Variants in MAML3 observed in about 807,000 individuals in gnomAD.
MAML3 encodes the protein mastermind-like protein 3.
MAML3 carries 27 observed loss-of-function variants against 101.9 expected under a neutral mutation model. The observed-to-expected ratio is 0.27, with a 90% CI of 0.20 to 0.37. The LOEUF (loss-of-function observed/expected upper bound fraction) is 0.37, where lower values mean the gene tolerates loss of function less well. MAML3 is among the 10% of genes least tolerant of loss of function. MAML3 has a pLI of 1.00. For synonymous variants in MAML3, 501 were observed against 555.9 expected (o/e 0.90, Z 1.39); for missense variants, 1,316 against 1,444.9 (o/e 0.91, Z 1.45).
intron 2 of MAML3, among the ~76,000 whole-genome samples, chr4:139,870,200 G>A (rs903769156): frequency 6.6e-6 from 1 of 152,108 alleles, no homozygotes; most frequent in African/African-American, 2.4e-5. Flanking sequence ...ATGCTTTGTT[G>A]TGCAGAGACT....
intron 3 of MAML3, among the ~76,000 whole-genome samples, chr4:139,728,817 G>T (rs1477208852): frequency 6.6e-6 from 1 of 152,164 alleles, no homozygotes; most frequent in Non-Finnish European, 1.5e-5. Context: ...GGTCGGGCTG[G>T]CCTCACCGTG....
Position 139,716,842 on chromosome 4 carries a change from C to CATT in MAML3, c.*2478_*2480dup, listed in dbSNP as rs908991194. ...CATTTCTACATTTCAGCGTTCTGTA[C>CATT]ATTTCTTAAAAGGAAATAAGCAATG... On this transcript the variant is annotated 3_prime_UTR_variant, in exon 5 of 5. Coordinates refer to ENST00000509479, the MANE Select transcript of MAML3 (RefSeq NM_018717.5). The CATT allele has an allele frequency of 6.6e-6, 1 of 152,458 alleles. No individual in the cohort carries two copies. The highest frequency in any genetic ancestry group is 2.4e-5 in the African/African-American group (1 of 41,406). 9.4% of individuals were successfully genotyped at this position (152,458 alleles called of 1,614,324 possible).
intron 2 of MAML3, among the ~76,000 whole-genome samples, chr4:139,774,765 G>T (rs911821880): frequency 2.0e-5 from 3 of 152,160 alleles, no homozygotes; most frequent in Admixed American, 1.3e-4. Context: ...CATGATAAAA[G>T]AATTTACTAC....
intron 1 of MAML3, among the ~76,000 whole-genome samples, chr4:140,063,516 C>T (rs1329724657): frequency 2.0e-5 from 3 of 152,228 alleles, no homozygotes; most frequent in African/African-American, 7.2e-5. Context: ...AGCACTATCT[C>T]TGCTTCCTAC....
At chr4:139,832,083 A>G (rs1368436884) in intron 2 of MAML3, among the ~76,000 whole-genome samples, 2 of 104,364 alleles carry the variant, frequency 1.9e-5, no homozygotes, top group African/African-American at 6.6e-5. Flanking sequence ...GTGAGCCATC[A>G]TGCCCAGCCC....
intron 1 of MAML3, among the ~76,000 whole-genome samples, chr4:140,070,168 C>G (rs1299030375): frequency 1.3e-5 from 2 of 151,910 alleles, no homozygotes; most frequent in African/African-American, 2.4e-5. Flanking sequence ...GAGCCAGACT[C>G]TAAGTTTTGT....
Position 139,725,845 on chromosome 4 carries a change from C to G in MAML3, c.2332-10G>C, listed in dbSNP as rs931035924. The G allele has an allele frequency of 1.2e-6, 2 of 1,613,040 alleles. No individual in the cohort carries two copies. The highest frequency in any genetic ancestry group is 2.2e-5 in the East Asian group (1 of 44,888). ...GTGATTGCTGCAACTGCTAGAACAACAGAACACAAGAGGGGTGGAGAGGTG... is the reference window on the plus strand; with the variant it reads ...GTGATTGCTGCAACTGCTAGAACAAGAGAACACAAGAGGGGTGGAGAGGTG... On this transcript the variant is annotated splice_polypyrimidine_tract_variant and intron_variant, in intron 3 of 4. Coordinates refer to ENST00000509479, the MANE Select transcript of MAML3 (RefSeq NM_018717.5).
At chr4:140,101,661 C>T (rs554643105) in intron 1 of MAML3, among the ~76,000 whole-genome samples, 4 of 152,164 alleles carry the variant, frequency 2.6e-5, no homozygotes, top group Non-Finnish European at 4.4e-5. Flanking sequence ...GAGAAGCATA[C>T]GTGATACCTC....
At chr4:140,126,484 C>G (rs1423816398) in intron 1 of MAML3, among the ~76,000 whole-genome samples, 1 of 152,312 alleles carries the variant, frequency 6.6e-6, no homozygotes, top group African/African-American at 2.4e-5. Context: ...TACTACACCA[C>G]TCTCCTGGTG....
intron 1 of MAML3, among the ~76,000 whole-genome samples, chr4:139,987,523 C>T (rs114961697): frequency 0.019 from 2,921 of 152,226 alleles, 117 homozygotes; most frequent in African/African-American, 0.066. Flanking sequence ...GAAAAATCAG[C>T]CTCTCTGTGT....
At chr4:139,998,962 C>T (rs1454837515) in intron 1 of MAML3, among the ~76,000 whole-genome samples, 1 of 152,204 alleles carries the variant, frequency 6.6e-6, no homozygotes, top group Admixed American at 6.5e-5. Flanking sequence ...GGAAGACTTC[C>T]ATTCTCTGCT....
intron 2 of MAML3, among the ~76,000 whole-genome samples, chr4:139,839,058 G>A (rs1731312068): frequency 6.6e-6 from 1 of 152,210 alleles, no homozygotes; most frequent in Admixed American, 6.5e-5. Flanking sequence ...AAGCTTAAAT[G>A]TCTTAAGAGA....
chr4:139,787,160 G>A (rs1224591270), intron 2 of MAML3, among the ~76,000 whole-genome samples: 2 of 152,192 alleles, frequency 1.3e-5, no homozygotes, highest in Admixed American at 6.5e-5. Context: ...GCAGCGCTCC[G>A]TCCTGCGCCC....
chr4:139,723,889 G>A (rs994967424), intron 4 of MAML3, among the ~76,000 whole-genome samples: 2 of 152,138 alleles, frequency 1.3e-5, no homozygotes, highest in Non-Finnish European at 2.9e-5. Flanking sequence ...CTCAAGCCCC[G>A]CTTCAGATTT....
chr4:140,101,805 A>G (rs1162894740), intron 1 of MAML3, among the ~76,000 whole-genome samples: 1 of 152,126 alleles, frequency 6.6e-6, no homozygotes, highest in African/African-American at 2.4e-5. Flanking sequence ...TATATAAAAT[A>G]GCCTAAATTA....
At chr4:139,894,407 G>C (rs1294528085) in intron 1 of MAML3, among the ~76,000 whole-genome samples, 1 of 152,052 alleles carries the variant, frequency 6.6e-6, no homozygotes, top group African/African-American at 2.4e-5. Flanking sequence ...CTACTCAGGA[G>C]ACTGAGGCAG....
At chr4:139,997,471 T>C (rs905305846) in intron 1 of MAML3, among the ~76,000 whole-genome samples, 1 of 152,068 alleles carries the variant, frequency 6.6e-6, no homozygotes, top group Non-Finnish European at 1.5e-5. Flanking sequence ...CTTTGTGCTG[T>C]TACTGTGATA....
chr4:139,857,288 C>G (rs1389670159), intron 2 of MAML3, among the ~76,000 whole-genome samples: 12 of 152,054 alleles, frequency 7.9e-5, no homozygotes, highest in Non-Finnish European at 1.8e-4. Flanking sequence ...AGCTAGAGGG[C>G]TCAAATACAT....
intron 1 of MAML3, among the ~76,000 whole-genome samples, chr4:140,074,467 T>C (rs1187534175): frequency 6.6e-6 from 1 of 152,088 alleles, no homozygotes; most frequent in East Asian, 1.9e-4. Flanking sequence ...AAATCTAAAA[T>C]CTGAAATGCT....
Sources: gnomAD v4.1 joint callset for allele counts (sites outside exome capture counted in the v4.1 genomes callset) on GRCh38, gnomAD v4.1.1 for gene constraint, MANE v1.5 for transcripts, NCBI Gene and HGNC (gene_info 2026-07-23, HGNC 2026-07-21) for gene names.